ZNF407: variants seen among roughly 807,000 people sequenced by gnomAD.
ZNF407 encodes zinc finger protein 407.
ZNF407 carries 17 observed loss-of-function variants against 131.2 expected under a neutral mutation model. The ratio of observed to expected loss-of-function variants is 0.13; its 90% CI spans 0.09 to 0.19. The LOEUF (loss-of-function observed/expected upper bound fraction) is 0.19, where lower values mean the gene tolerates loss of function less well. Among genes scored for constraint, ZNF407 ranks in the 10% least tolerant of loss-of-function variants. ZNF407 has a pLI of 1.00. For synonymous variants in ZNF407, 1,156 were observed against 1,062.0 expected (o/e 1.09, Z -1.72); for missense variants, 2,681 against 2,830.6 (o/e 0.95, Z 1.20).
intron 1 of ZNF407, among the ~76,000 whole-genome samples, chr18:74,605,757 A>G (rs1402767479): frequency 6.6e-6 from 1 of 152,208 alleles, no homozygotes; most frequent in Non-Finnish European, 1.5e-5. Flanking sequence ...AATTAACTTT[A>G]TTATGAACCC....
intron 3 of ZNF407, among the ~76,000 whole-genome samples, chr18:74,662,177 T>C (rs1985743934): frequency 6.6e-6 from 1 of 152,202 alleles, no homozygotes; most frequent in East Asian, 1.9e-4. Context: ...TTCTGTTTGC[T>C]GCATGCTTCT....
intron 3 of ZNF407, among the ~76,000 whole-genome samples, chr18:74,673,742 G>A (rs1986246458): frequency 6.6e-6 from 1 of 152,148 alleles, no homozygotes; most frequent in Non-Finnish European, 1.5e-5. Context: ...ACATACACAA[G>A]TGCACACACA....
chr18:74,730,471 C>G (rs1428290980), intron 3 of ZNF407, among the ~76,000 whole-genome samples: 1 of 151,916 alleles, frequency 6.6e-6, no homozygotes, highest in Non-Finnish European at 1.5e-5. Flanking sequence ...GCCTTGTGTC[C>G]TGTCATTACC....
At chr18:74,872,290 G>GT in intron 4 of ZNF407, among the ~76,000 whole-genome samples, 1 of 151,876 alleles carries the variant, frequency 6.6e-6, no homozygotes, top group Admixed American at 6.6e-5. Flanking sequence ...AAATGATACA[G>GT]TTTCACACCC....
chr18:74,956,485 A>G (rs1972276456), intron 8 of ZNF407, among the ~76,000 whole-genome samples: 1 of 152,156 alleles, frequency 6.6e-6, no homozygotes, highest in Non-Finnish European at 1.5e-5. Flanking sequence ...ATATAAGACT[A>G]CAGTTGTCTT....
At chr18:74,848,039 C>A (rs1002657364) in intron 4 of ZNF407, among the ~76,000 whole-genome samples, 2 of 151,836 alleles carry the variant, frequency 1.3e-5, no homozygotes, top group Non-Finnish European at 2.9e-5. Flanking sequence ...TTTCTAATTA[C>A]AAATTTGTTT....
At chr18:74,801,401 C>T (rs959107413) in intron 4 of ZNF407, among the ~76,000 whole-genome samples, 1 of 151,992 alleles carries the variant, frequency 6.6e-6, no homozygotes, top group Admixed American at 6.6e-5. Flanking sequence ...ATATATACTT[C>T]GAGTATCACA....
Position 74,632,032 on chromosome 18 carries a change from GT to G in ZNF407, c.1014del (p.Ser338ArgfsTer11). ...TTCAGAGGAAGTATTTCTAAACAAA[GT>G]GGTAGTAGCAGTGAGCTTCTTGTTG... ...KDFRGSISKQ[S>X]GSSSELLVEM... On this transcript the variant is annotated frameshift_variant, in exon 2 of 9. Coordinates refer to ENST00000299687, the MANE Select transcript of ZNF407 (RefSeq NM_017757.3). LOFTEE classifies it high-confidence loss of function. 6.2e-7 allele frequency: 1 copy of G among 1,613,822 alleles called. No homozygotes were observed. Among genetic ancestry groups the G allele is most frequent in the Non-Finnish European group, 8.5e-7 (1 of 1,179,850 alleles).
In ZNF407 at chr18:74,741,376, A is replaced by G. The variant is rs138444863; in HGVS notation, c.4803-40052A>G. On this transcript the variant is annotated intron_variant, in intron 3 of 8. Transcript: ENST00000299687. Reference sequence around the variant, plus strand: ...TGGAAATATATACATATACATATACATAAGTAAATACATGCATACAAATAA... The same window carrying G: ...TGGAAATATATACATATACATATACGTAAGTAAATACATGCATACAAATAA... Among the ~76,000 whole-genome samples, 1,203 of 152,284 alleles carry G rather than the reference A, an allele frequency of 7.9e-3. 6 individuals are homozygous for G. Among genetic ancestry groups the G allele is most frequent in the Non-Finnish European group, 0.013 (888 of 68,018 alleles).
chr18:75,009,792 G>C (rs970353762), intron 8 of ZNF407, among the ~76,000 whole-genome samples: 4 of 152,158 alleles, frequency 2.6e-5, no homozygotes, highest in African/African-American at 9.7e-5. Flanking sequence ...ACCTATTCAG[G>C]TTGATTCCAG....
intron 3 of ZNF407, among the ~76,000 whole-genome samples, chr18:74,722,621 G>C (rs1968066246): frequency 6.6e-6 from 1 of 152,138 alleles, no homozygotes; most frequent in South Asian, 2.1e-4. Context: ...TTACCATTCT[G>C]CCTCTCCAAG....
At chr18:74,735,639 A>G (rs991362791) in intron 3 of ZNF407, among the ~76,000 whole-genome samples, 3 of 152,184 alleles carry the variant, frequency 2.0e-5, no homozygotes, top group African/African-American at 7.2e-5. Context: ...TTAAATATTT[A>G]AATATTAATG....
Position 74,703,655 on chromosome 18 carries a change from C to T in ZNF407, c.4802+62533C>T, listed in dbSNP as rs1056865294. Among the ~76,000 whole-genome samples the T allele has an allele frequency of 8.5e-5, 13 of 152,112 alleles. No individual in the cohort carries two copies. The East Asian group carries it at 1.7e-3, about 20-fold the overall frequency. On this transcript the variant is annotated intron_variant, in intron 3 of 8. Coordinates refer to ENST00000299687, the MANE Select transcript of ZNF407 (RefSeq NM_017757.3). The surrounding 1 kb of genome is among the most constrained non-coding windows in gnomAD (Gnocchi z 4.1). ...TGCTGGGATTACAGTTGTGAGCCAC[C>T]GTGCCCAGCCTAGATCTCTTTTATG...
chr18:74,615,398 G>A (rs892317747), intron 1 of ZNF407, among the ~76,000 whole-genome samples: 7 of 152,152 alleles, frequency 4.6e-5, no homozygotes, highest in Non-Finnish European at 8.8e-5. Context: ...CCAGCTACTC[G>A]GGAGGCTGAG....
chr18:74,862,794 G>C (rs1970955172), intron 4 of ZNF407, among the ~76,000 whole-genome samples: 1 of 152,052 alleles, frequency 6.6e-6, no homozygotes, highest in Non-Finnish European at 1.5e-5. Context: ...TTAGTCCCTG[G>C]TCAGATCTGT....
intron 8 of ZNF407, among the ~76,000 whole-genome samples, chr18:75,007,808 C>T (rs1178591619): frequency 6.6e-6 from 1 of 152,158 alleles, no homozygotes; most frequent in Admixed American, 6.5e-5. Flanking sequence ...AATGACACTA[C>T]TGTAACATGG....
intron 8 of ZNF407, among the ~76,000 whole-genome samples, chr18:75,010,309 T>A (rs924159655): frequency 1.3e-5 from 2 of 151,874 alleles, no homozygotes; most frequent in Admixed American, 6.6e-5. Context: ...CCAGGTCGAG[T>A]GTGGGATGTT....
At chr18:74,675,588 G>GAC (rs1433977366) in intron 3 of ZNF407, among the ~76,000 whole-genome samples, 4 of 152,198 alleles carry the variant, frequency 2.6e-5, no homozygotes, top group Admixed American at 1.3e-4. Flanking sequence ...AAAAAGGAGA[G>GAC]AAAGCTTTCT....
intron 3 of ZNF407, among the ~76,000 whole-genome samples, chr18:74,655,958 T>C (rs748949957): frequency 7.2e-5 from 11 of 152,154 alleles, no homozygotes; most frequent in Non-Finnish European, 1.2e-4. Flanking sequence ...GCATTTTTGC[T>C]CAACTATATA....
Sources: allele counts gnomAD v4.1 joint callset (sites outside exome capture counted in the v4.1 genomes callset), GRCh38; gene constraint gnomAD v4.1.1; non-coding constraint Gnocchi (gnomAD v3.1); transcripts MANE v1.5; gene names NCBI Gene and HGNC (gene_info 2026-07-23, HGNC 2026-07-21).